SBF2: variants seen among roughly 807,000 people sequenced by gnomAD.
SBF2 encodes myotubularin-related protein 13.
Under a neutral mutation model 225.2 loss-of-function variants are expected in SBF2, and 112 were observed. That is an observed-to-expected ratio of 0.50 (90% CI 0.43 to 0.58). The LOEUF is 0.58. Ranked by LOEUF, SBF2 falls within the 20% of genes least tolerant of loss-of-function variation. The pLI, the probability that SBF2 is intolerant of heterozygous loss-of-function variation, is 0.00. For missense variants in SBF2, 1,996 were observed against 2,206.2 expected (o/e 0.90, Z 1.91); for synonymous variants, 763 against 773.3 (o/e 0.99, Z 0.22).
At chr11:10,110,903 G>A (rs1009197760) in intron 2 of SBF2, among the ~76,000 whole-genome samples, 1 of 152,048 alleles carries the variant, frequency 6.6e-6, no homozygotes, top group East Asian at 1.9e-4. Flanking sequence ...CAGATATAAC[G>A]ATACTTATTT....
At position 10,001,072 on chromosome 11, in the gene SBF2, A is replaced by G. The variant is rs201523696; in HGVS notation, c.753-50T>C. The G allele has an allele frequency of 2.1e-5, 20 of 943,364 alleles. No homozygotes were observed. In the Admixed American group the frequency reaches 3.5e-4, roughly 17 times the overall value. 58.4% of individuals were successfully genotyped at this position (943,364 alleles called of 1,614,324 possible). On this transcript the variant is annotated intron_variant, in intron 7 of 39. Coordinates refer to ENST00000256190, the MANE Select transcript of SBF2 (RefSeq NM_030962.4). Reference sequence around the variant, plus strand: ...AAATATATTTTTCTTTAACATAAACATATCTTCTTTCATCTTTATGCTGTG... The same window carrying G: ...AAATATATTTTTCTTTAACATAAACGTATCTTCTTTCATCTTTATGCTGTG...
intron 16 of SBF2, among the ~76,000 whole-genome samples, chr11:9,953,849 A>C (rs1453926369): frequency 6.6e-6 from 1 of 152,162 alleles, no homozygotes; most frequent in African/African-American, 2.4e-5. Flanking sequence ...TGTTAGTGAG[A>C]AGGTTCCTCA....
At chr11:10,214,067 T>C (rs1195197986) in intron 1 of SBF2, among the ~76,000 whole-genome samples, 3 of 152,216 alleles carry the variant, frequency 2.0e-5, no homozygotes, top group African/African-American at 4.8e-5. Context: ...AATTTAGCCC[T>C]GCAGTTTAAA....
chr11:9,980,258 G>A (rs553071436), intron 13 of SBF2, among the ~76,000 whole-genome samples: 39 of 146,220 alleles, frequency 2.7e-4, no homozygotes, highest in Admixed American at 1.9e-3. Flanking sequence ...GGGATTACAG[G>A]CATGAGCCAC....
intron 21 of SBF2, among the ~76,000 whole-genome samples, chr11:9,852,411 T>C (rs1590224864): frequency 6.6e-6 from 1 of 152,342 alleles, no homozygotes; most frequent in Admixed American, 6.5e-5. Flanking sequence ...GAAATGTTCC[T>C]AATTTATGCC....
intron 2 of SBF2, among the ~76,000 whole-genome samples, chr11:10,088,778 T>C (rs1951672948): frequency 6.6e-6 from 1 of 152,196 alleles, no homozygotes; most frequent in Non-Finnish European, 1.5e-5. Flanking sequence ...AACATTGGGA[T>C]CAAATTTCAG....
chr11:9,852,820 T>C (rs1360843162), intron 20 of SBF2, 71 bp from the exon 21 acceptor site: 17 of 1,193,638 alleles, frequency 1.4e-5, no homozygotes, highest in Non-Finnish European at 2.1e-5. Flanking sequence ...CTGGATATTT[T>C]AGAATTAAAA....
chr11:10,214,120 T>C (rs1958037227), intron 1 of SBF2, among the ~76,000 whole-genome samples: 1 of 152,184 alleles, frequency 6.6e-6, no homozygotes, highest in African/African-American at 2.4e-5. Flanking sequence ...ACTATTGACA[T>C]TTTGGGCCAG....
At chr11:10,040,995 T>C (rs1284841466) in intron 3 of SBF2, among the ~76,000 whole-genome samples, 2 of 152,088 alleles carry the variant, frequency 1.3e-5, no homozygotes, top group East Asian at 1.9e-4. Context: ...ATTAATATAA[T>C]GTCAATATAT....
rs749576038 is a variant in SBF2, at chr11:9,846,965, T to C, written c.2925A>G (p.Ala975=). 1 of 1,613,822 alleles carries C rather than the reference T, an allele frequency of 6.2e-7. No homozygotes were observed. Among genetic ancestry groups the C allele is most frequent in the Non-Finnish European group, 8.5e-7 (1 of 1,179,698 alleles). Residue 975 remains alanine (A), a synonymous_variant, in exon 23 of 40, where the codon GCA becomes GCG. Coordinates refer to ENST00000256190, the MANE Select transcript of SBF2 (RefSeq NM_030962.4). The part of the protein sequence containing the change: ...NMQEGLQITS[A]SFQLIKVAFD... ...CTTCCTTTTTTAATACCTGAAAAGATGCTGATGTGATCTGCAGTCCTTCTT... is the reference window on the plus strand; with the variant it reads ...CTTCCTTTTTTAATACCTGAAAAGACGCTGATGTGATCTGCAGTCCTTCTT...
At chr11:9,931,945 T>C (rs1449219402) in intron 16 of SBF2, among the ~76,000 whole-genome samples, 2 of 152,172 alleles carry the variant, frequency 1.3e-5, no homozygotes, top group Non-Finnish European at 2.9e-5. Flanking sequence ...AATGACCTGA[T>C]GGAGCTGAAA....
intron 1 of SBF2, among the ~76,000 whole-genome samples, chr11:10,249,074 T>C (rs111230791): frequency 0.2 from 29,846 of 151,344 alleles, 3,118 homozygotes; most frequent in Middle Eastern, 0.26. Flanking sequence ...CCAGCCTGGG[T>C]GACAGAGCAA....
chr11:10,054,296 A>G (rs564155013), intron 2 of SBF2, among the ~76,000 whole-genome samples: 1 of 152,238 alleles, frequency 6.6e-6, no homozygotes, highest in Non-Finnish European at 1.5e-5. Context: ...CACTGTTTCA[A>G]CTAGTAAGAG....
chr11:10,071,604 C>CTT (rs1950881810), intron 2 of SBF2, among the ~76,000 whole-genome samples: 1 of 152,070 alleles, frequency 6.6e-6, no homozygotes. Context: ...CCAGTTTTTG[C>CTT]CCATTCAGTA....
At chr11:9,933,195 T>C (rs147144587) in intron 16 of SBF2, among the ~76,000 whole-genome samples, 2,200 of 152,092 alleles carry the variant, frequency 0.014, 55 homozygotes, top group African/African-American at 0.049. Flanking sequence ...CTTAGACTCC[T>C]ACACAATAAT....
At chr11:9,868,904 T>G (rs772740496) in intron 17 of SBF2, among the ~76,000 whole-genome samples, 1 of 152,240 alleles carries the variant, frequency 6.6e-6, no homozygotes, top group Non-Finnish European at 1.5e-5. Flanking sequence ...GGCACATCTG[T>G]TTGTCTCTCC....
At chr11:10,099,587 T>C (rs1458016421) in intron 2 of SBF2, among the ~76,000 whole-genome samples, 1 of 152,138 alleles carries the variant, frequency 6.6e-6, no homozygotes. Flanking sequence ...GATACACAAA[T>C]CATTTTTAAC....
At chr11:10,201,140 G>C (rs1957555949) in intron 1 of SBF2, among the ~76,000 whole-genome samples, 1 of 152,128 alleles carries the variant, frequency 6.6e-6, no homozygotes, top group African/African-American at 2.4e-5. Flanking sequence ...TAGAAAATCA[G>C]ACTTTTGGGT....
chr11:9,932,984 A>C (rs1279192204), intron 16 of SBF2, among the ~76,000 whole-genome samples: 3 of 150,850 alleles, frequency 2.0e-5, no homozygotes, highest in East Asian at 1.9e-4. Context: ...AAAAAAAAAA[A>C]AAACAGGTGT....
Sources: gnomAD v4.1 joint callset for allele counts (sites outside exome capture counted in the v4.1 genomes callset) on GRCh38, gnomAD v4.1.1 for gene constraint, MANE v1.5 for transcripts, NCBI Gene and HGNC (gene_info 2026-07-23, HGNC 2026-07-21) for gene names.